The following PPM1E variants were observed in gnomAD, a reference collection of about 807,000 sequenced individuals.
PPM1E encodes the protein protein phosphatase, Mg2+/Mn2+ dependent 1E.
PPM1E carries 20 observed loss-of-function variants against 65.9 expected under a neutral mutation model. The ratio of observed to expected loss-of-function variants is 0.30; its 90% CI spans 0.21 to 0.44. The LOEUF (loss-of-function observed/expected upper bound fraction) is 0.44, where lower values mean the gene tolerates loss of function less well. Ranked by LOEUF, PPM1E falls within the 20% of genes least tolerant of loss-of-function variation. PPM1E has a pLI of 1.00. For synonymous variants in PPM1E, 352 were observed against 374.9 expected (o/e 0.94, Z 0.70); for missense variants, 713 against 953.1 (o/e 0.75, Z 3.32).
intron 1 of PPM1E, among the ~76,000 whole-genome samples, chr17:58,801,729 C>T (rs1423439140): frequency 3.3e-5 from 5 of 151,422 alleles, no homozygotes; most frequent in African/African-American, 1.2e-4. Flanking sequence ...GTTTGAGCCA[C>T]CACGCTCGGC....
intron 1 of PPM1E, among the ~76,000 whole-genome samples, chr17:58,770,026 A>G (rs561104848): frequency 8.8e-4 from 132 of 150,246 alleles, no homozygotes; most frequent in African/African-American, 3.0e-3. Context: ...AACTCTATCT[A>G]AAAAAAACAA....
At chr17:58,835,122 C>T (rs1357603117) in intron 1 of PPM1E, among the ~76,000 whole-genome samples, 1 of 152,174 alleles carries the variant, frequency 6.6e-6, no homozygotes, top group Non-Finnish European at 1.5e-5. Flanking sequence ...GGGAGGATCA[C>T]TTGAGCACAG....
chr17:58,936,601 C>T (rs150060859), intron 1 of PPM1E, among the ~76,000 whole-genome samples: 2 of 152,198 alleles, frequency 1.3e-5, no homozygotes, highest in African/African-American at 4.8e-5. Flanking sequence ...CTAATAATGT[C>T]GTTAGTGATT....
At chr17:58,801,150 G>A (rs891198481) in intron 1 of PPM1E, among the ~76,000 whole-genome samples, 1 of 152,082 alleles carries the variant, frequency 6.6e-6, no homozygotes, top group Non-Finnish European at 1.5e-5. Context: ...GCTGGATGTA[G>A]TGTTCTATAA....
intron 1 of PPM1E, among the ~76,000 whole-genome samples, chr17:58,883,760 C>A (rs1187121408): frequency 1.3e-5 from 2 of 151,878 alleles, no homozygotes; most frequent in African/African-American, 4.8e-5. Flanking sequence ...GCTGGGATTA[C>A]AGGCGTGAGC....
chr17:58,868,763 G>A (rs1044265160), intron 1 of PPM1E, among the ~76,000 whole-genome samples: 7 of 151,884 alleles, frequency 4.6e-5, no homozygotes, highest in African/African-American at 1.7e-4. Flanking sequence ...GGTCCCATAG[G>A]GTATGGGTAC....
At chr17:58,829,062 G>C (rs576771979) in intron 1 of PPM1E, among the ~76,000 whole-genome samples, 1 of 150,794 alleles carries the variant, frequency 6.6e-6, no homozygotes, top group South Asian at 2.1e-4. Flanking sequence ...TTTTTTTTGA[G>C]ACGGAGTTTC....
At chr17:58,889,133 A>C (rs1400964805) in intron 1 of PPM1E, among the ~76,000 whole-genome samples, 4 of 152,170 alleles carry the variant, frequency 2.6e-5, no homozygotes, top group African/African-American at 9.7e-5. Context: ...TGCTTGTTCT[A>C]CTTTTCTATA....
chr17:58,850,450 G>A (rs1481275729), intron 1 of PPM1E, among the ~76,000 whole-genome samples: 1 of 152,124 alleles, frequency 6.6e-6, no homozygotes, highest in Non-Finnish European at 1.5e-5. Flanking sequence ...CTTCCTTCAG[G>A]AGCTCTTGTA....
intron 1 of PPM1E, among the ~76,000 whole-genome samples, chr17:58,948,527 T>C (rs181459130): frequency 6.6e-6 from 1 of 152,320 alleles, no homozygotes; most frequent in Non-Finnish European, 1.5e-5. Flanking sequence ...GTGTATACTA[T>C]ATTAGATCAT....
At chr17:58,756,735 CG>C (rs1486800566) in intron 1 of PPM1E, among the ~76,000 whole-genome samples, 1 of 152,130 alleles carries the variant, frequency 6.6e-6, no homozygotes, top group Non-Finnish European at 1.5e-5. Flanking sequence ...CCGCCGGGCC[CG>C]GGCCCCTCAT....
In PPM1E at chr17:58,766,348, C is replaced by T. The variant is rs190690335; in HGVS notation, c.464+9887C>T. 6.2e-4 allele frequency among the ~76,000 whole-genome samples: 93 copies of T among 150,412 alleles called. 2 individuals are homozygous for T. In the East Asian group the frequency reaches 0.016, roughly 25 times the overall value. On this transcript the variant is annotated intron_variant, in intron 1 of 6. Transcript: ENST00000308249. ...TCCTGAGTAGCTTGGATTACAGGTG[C>T]GGGCCACCACACCTGGCTAATTTTT...
At chr17:58,907,825 A>G (rs2051576803) in intron 1 of PPM1E, among the ~76,000 whole-genome samples, 1 of 152,040 alleles carries the variant, frequency 6.6e-6, no homozygotes, top group South Asian at 2.1e-4. Context: ...TCTTTTGATT[A>G]GTGTTATCAT....
At chr17:58,878,735 C>A (rs189529546) in intron 1 of PPM1E, among the ~76,000 whole-genome samples, 138 of 150,620 alleles carry the variant, frequency 9.2e-4, no homozygotes, top group African/African-American at 3.3e-3. Context: ...GAGTTTGAGA[C>A]CAGCCTGACC....
intron 1 of PPM1E, among the ~76,000 whole-genome samples, chr17:58,930,296 CACAT>C: frequency 6.6e-6 from 1 of 151,410 alleles, no homozygotes; most frequent in Non-Finnish European, 1.5e-5. Context: ...GACACACACA[CACAT>C]ATACATACAA....
chr17:58,894,394 A>G (rs2051386214), intron 1 of PPM1E, among the ~76,000 whole-genome samples: 4 of 152,180 alleles, frequency 2.6e-5, no homozygotes, highest in Non-Finnish European at 5.9e-5. Context: ...TCTTAAGTGA[A>G]GCTGGATTTA....
chr17:58,804,138 G>A (rs1293260246), intron 1 of PPM1E, among the ~76,000 whole-genome samples: 1 of 151,996 alleles, frequency 6.6e-6, no homozygotes, highest in Non-Finnish European at 1.5e-5. Flanking sequence ...ATGTTGCCCA[G>A]GCTGGTCATG....
chr17:58,878,047 G>T (rs1346644973), intron 1 of PPM1E, among the ~76,000 whole-genome samples: 2 of 151,860 alleles, frequency 1.3e-5, no homozygotes, highest in Admixed American at 1.3e-4. Flanking sequence ...AAATAAAAGC[G>T]TGAAAGAGGA....
intron 1 of PPM1E, among the ~76,000 whole-genome samples, chr17:58,859,285 T>C (rs1330465014): frequency 1.3e-5 from 2 of 152,130 alleles, no homozygotes; most frequent in African/African-American, 4.8e-5. Flanking sequence ...TCCTGATCAT[T>C]TACAGGAAAA....
Sources: gnomAD v4.1 joint callset for allele counts (sites outside exome capture counted in the v4.1 genomes callset) on GRCh38, gnomAD v4.1.1 for gene constraint, MANE v1.5 for transcripts, NCBI Gene and HGNC (gene_info 2026-07-23, HGNC 2026-07-21) for gene names.